Variants in PDGFC observed in about 807,000 individuals in gnomAD.
PDGFC encodes the protein platelet-derived growth factor C.
A neutral mutation model predicts 35.5 loss-of-function variants in PDGFC; 12 were observed. That is an observed-to-expected ratio of 0.34 (90% CI 0.22 to 0.55). The LOEUF is 0.55. PDGFC is among the 20% of genes least tolerant of loss of function. The pLI is 0.91. For missense variants in PDGFC, 322 were observed against 412.4 expected, an observed-to-expected ratio of 0.78 and a Z score of 1.90; for synonymous variants, 159 against 148.8, an observed-to-expected ratio of 1.07 and a Z score of -0.50.
At chr4:156,797,168 G>A (rs2110901354) in intron 3 of PDGFC, among the ~76,000 whole-genome samples, 1 of 151,616 alleles carries the variant, frequency 6.6e-6, no homozygotes, top group East Asian at 1.9e-4. Flanking sequence ...AACCTGGGAG[G>A]CAGAGCTTAC....
Position 156,840,907 on chromosome 4 carries a change from T to C in PDGFC, c.314+9314A>G, listed in dbSNP as rs114333744. On this transcript the variant is annotated intron_variant, in intron 2 of 5. Transcript: ENST00000502773. Reference sequence around the variant, plus strand: ...TGTTACATGCTATAGCCCCTATGTTTAAGCCAATTTCTCCCATTTGGAATG... The same window carrying C: ...TGTTACATGCTATAGCCCCTATGTTCAAGCCAATTTCTCCCATTTGGAATG... Among the ~76,000 whole-genome samples the C allele has an allele frequency of 9.9e-3, 1,504 of 152,308 alleles. 20 individuals are homozygous for C. Among genetic ancestry groups the C allele is most frequent in the African/African-American group, 0.035 (1,445 of 41,562 alleles).
rs893589441 is a variant in PDGFC at position 156,871,962 on chromosome 4, T to C, written c.119-21546A>G. The stretch of plus-strand genomic sequence containing the variant: ...TTTCTCAAATAGTTTTCCTAATAAA[T>C]CTATGGTTTTATTGATTCCCAATAA... On this transcript the variant is annotated intron_variant, in intron 1 of 5. Coordinates refer to ENST00000502773, the MANE Select transcript of PDGFC (RefSeq NM_016205.3). Among the ~76,000 whole-genome samples the C allele has an allele frequency of 9.9e-5, 15 of 151,784 alleles. No individual in the cohort carries two copies. The Admixed American group carries it at 9.9e-4, about 10-fold the overall frequency.
At chr4:156,899,309 A>T (rs976077331) in intron 1 of PDGFC, among the ~76,000 whole-genome samples, 1 of 152,190 alleles carries the variant, frequency 6.6e-6, no homozygotes, top group African/African-American at 2.4e-5. Flanking sequence ...TTATATTAAA[A>T]TATTAGACCA....
intron 1 of PDGFC, among the ~76,000 whole-genome samples, chr4:156,878,912 T>C (rs998082569): frequency 6.6e-6 from 1 of 152,208 alleles, no homozygotes; most frequent in African/African-American, 2.4e-5. Flanking sequence ...TGTGTTGACT[T>C]TATGTGTCCA....
intron 2 of PDGFC, among the ~76,000 whole-genome samples, chr4:156,812,195 T>C (rs1731952080): frequency 6.6e-6 from 1 of 152,066 alleles, no homozygotes; most frequent in African/African-American, 2.4e-5. Flanking sequence ...AGATATACCA[T>C]TTTCATCCCA....
At chr4:156,767,236 C>G (rs1264707979) in intron 5 of PDGFC, among the ~76,000 whole-genome samples, 1 of 151,752 alleles carries the variant, frequency 6.6e-6, no homozygotes, top group Non-Finnish European at 1.5e-5. Flanking sequence ...TTCTTTTATT[C>G]CAAAGAATAA....
At chr4:156,771,552 G>A (rs1446874796) in intron 4 of PDGFC, among the ~76,000 whole-genome samples, 1 of 152,094 alleles carries the variant, frequency 6.6e-6, no homozygotes, top group Non-Finnish European at 1.5e-5. Flanking sequence ...CTTGAACACT[G>A]ATTTCAAATA....
At chr4:156,827,266 A>C (rs1375761012) in intron 2 of PDGFC, among the ~76,000 whole-genome samples, 1 of 152,004 alleles carries the variant, frequency 6.6e-6, no homozygotes, top group Admixed American at 6.6e-5. Context: ...AAATACAAAA[A>C]ATTAGCCGGG....
chr4:156,807,507 T>C (rs1029024706), intron 3 of PDGFC, among the ~76,000 whole-genome samples: 2 of 151,996 alleles, frequency 1.3e-5, no homozygotes, highest in African/African-American at 4.8e-5. Flanking sequence ...GAACAAGTCA[T>C]CTCTTATTTA....
chr4:156,779,409 C>T (rs1730919023), intron 3 of PDGFC, among the ~76,000 whole-genome samples: 1 of 152,080 alleles, frequency 6.6e-6, no homozygotes, highest in South Asian at 2.1e-4. Flanking sequence ...CACATCAAGG[C>T]TTAAAATTGA....
chr4:156,841,500 C>G (rs1490295769), intron 2 of PDGFC: 2 of 148,038 alleles, frequency 1.4e-5, no homozygotes, highest in African/African-American at 5.1e-5. Flanking sequence ...CAGTCTCAGG[C>G]AGTTTTTTTT....
intron 1 of PDGFC, among the ~76,000 whole-genome samples, chr4:156,884,345 T>C (rs1311032652): frequency 6.6e-6 from 1 of 152,144 alleles, no homozygotes; most frequent in Non-Finnish European, 1.5e-5. Context: ...AAGACTTTGT[T>C]ATGGGTTGCA....
intron 3 of PDGFC, among the ~76,000 whole-genome samples, chr4:156,785,331 A>G (rs1731093091): frequency 3.9e-5 from 6 of 152,096 alleles, no homozygotes; most frequent in Admixed American, 3.3e-4. Context: ...GCTGCCAAGT[A>G]GCTGTGATTA....
At chr4:156,879,454 C>G (rs1044356517) in intron 1 of PDGFC, among the ~76,000 whole-genome samples, 5 of 152,024 alleles carry the variant, frequency 3.3e-5, no homozygotes, top group Admixed American at 1.3e-4. Flanking sequence ...TACTTGAATC[C>G]CTCTTTAGTA....
intron 3 of PDGFC, among the ~76,000 whole-genome samples, chr4:156,773,289 C>T (rs1234015400): frequency 3.3e-5 from 5 of 152,038 alleles, no homozygotes; most frequent in Admixed American, 2.6e-4. Flanking sequence ...AAATTAGTGT[C>T]ACATAAATTA....
intron 1 of PDGFC, chr4:156,887,008 T>C (rs1193183920): frequency 6.6e-6 from 1 of 152,230 alleles, no homozygotes; most frequent in Non-Finnish European, 1.5e-5. Context: ...TGTTAGGATA[T>C]TTTATTAGAA....
chr4:156,801,480 AT>A (rs1473295794), intron 3 of PDGFC, among the ~76,000 whole-genome samples: 1 of 152,180 alleles, frequency 6.6e-6, no homozygotes, highest in Non-Finnish European at 1.5e-5. Context: ...TTTCTTGCAT[AT>A]AAAAAGTAAA....
chr4:156,827,123 G>T (rs1728783705), intron 2 of PDGFC, among the ~76,000 whole-genome samples: 1 of 152,068 alleles, frequency 6.6e-6, no homozygotes, highest in Non-Finnish European at 1.5e-5. Flanking sequence ...TTTGCCTTTA[G>T]TAAGAACAGA....
chr4:156,775,914 A>G (rs910851015), intron 3 of PDGFC, among the ~76,000 whole-genome samples: 3 of 152,184 alleles, frequency 2.0e-5, no homozygotes, highest in African/African-American at 7.2e-5. Context: ...AACAGGAAAG[A>G]AGAATGAACA....
Sources: allele counts gnomAD v4.1 joint callset (sites outside exome capture counted in the v4.1 genomes callset), GRCh38; gene constraint gnomAD v4.1.1; transcripts MANE v1.5; gene names NCBI Gene and HGNC (gene_info 2026-07-23, HGNC 2026-07-21).